THSD4: variants seen among roughly 807,000 people sequenced by gnomAD.
The protein encoded by THSD4 is thrombospondin type 1 domain containing 4, also known as thrombospondin type-1 domain-containing protein 4.
A neutral mutation model predicts 119.0 loss-of-function variants in THSD4; 69 were observed. That is an observed-to-expected ratio of 0.58 (90% CI 0.48 to 0.71). The LOEUF (loss-of-function observed/expected upper bound fraction) is 0.71, where lower values mean the gene tolerates loss of function less well. THSD4 is among the 30% of genes least tolerant of loss of function. The probability of loss-of-function intolerance (pLI) is 0.00; values close to 1 mark genes in which losing one functional copy is unlikely to be tolerated. For missense variants in THSD4, 1,393 were observed against 1,391.1 expected (o/e 1.00, Z -0.02); for synonymous variants, 524 against 540.4 (o/e 0.97, Z 0.42).
chr15:71,523,261 T>G (rs990848504), intron 7 of THSD4, among the ~76,000 whole-genome samples: 2 of 152,174 alleles, frequency 1.3e-5, no homozygotes, highest in East Asian at 3.9e-4. Context: ...CAAGGGAGAC[T>G]CAATCCTGGC....
intron 1 of THSD4, among the ~76,000 whole-genome samples, chr15:71,131,500 A>C (rs2141362119): frequency 6.6e-6 from 1 of 152,224 alleles, no homozygotes; most frequent in South Asian, 2.1e-4. Flanking sequence ...TCAAAACATT[A>C]TGAGCCCTAT....
intron 15 of THSD4, among the ~76,000 whole-genome samples, chr15:71,759,697 G>A (rs1177976791): frequency 6.6e-6 from 1 of 152,222 alleles, no homozygotes; most frequent in Non-Finnish European, 1.5e-5. Flanking sequence ...TCACACACGT[G>A]AAGATAAGCA....
chr15:71,143,821 C>T (rs9744260), intron 2 of THSD4, among the ~76,000 whole-genome samples: 2 of 151,038 alleles, frequency 1.3e-5, no homozygotes, highest in Non-Finnish European at 2.9e-5. Context: ...TCCTCCACCT[C>T]TGCCTCCCAA....
At chr15:71,550,912 G>A (rs1567032442) in intron 7 of THSD4, among the ~76,000 whole-genome samples, 2 of 152,096 alleles carry the variant, frequency 1.3e-5, no homozygotes, top group Non-Finnish European at 1.5e-5. Context: ...CTTTAAAAGA[G>A]CAATTTTATG....
intron 6 of THSD4, among the ~76,000 whole-genome samples, chr15:71,309,774 T>A (rs2045085491): frequency 6.6e-6 from 1 of 152,214 alleles, no homozygotes; most frequent in Non-Finnish European, 1.5e-5. Context: ...GGCACTCTTG[T>A]TGACCGTATA....
intron 7 of THSD4, among the ~76,000 whole-genome samples, chr15:71,613,103 G>A (rs2050259764): frequency 6.6e-6 from 1 of 152,186 alleles, no homozygotes; most frequent in African/African-American, 2.4e-5. Context: ...CCCTAGTCAA[G>A]GGTGTAGTAT....
In THSD4 at chr15:71,749,993, C is replaced by G. The variant is rs561389406; in HGVS notation, c.2415+1399C>G. On this transcript the variant is annotated intron_variant, in intron 14 of 17. Transcript: ENST00000261862. ...GATCTGCCACCTCGGCCTCCCGAAG[C>G]CCTGGAATTGTAGGCATGAGCCACT... 1.2e-3 allele frequency among the ~76,000 whole-genome samples: 189 copies of G among 152,270 alleles called. 1 individual carries two copies. The highest frequency in any genetic ancestry group is 0.01 in the Middle Eastern group (3 of 294).
intron 11 of THSD4, among the ~76,000 whole-genome samples, chr15:71,741,681 A>C (rs1284982376): frequency 9.0e-6 from 1 of 111,460 alleles, no homozygotes. Context: ...CCATGTGTGC[A>C]TGTACACACA....
chr15:71,448,981 A>T (rs1358397476), intron 7 of THSD4, among the ~76,000 whole-genome samples: 2 of 152,220 alleles, frequency 1.3e-5, no homozygotes, highest in Non-Finnish European at 2.9e-5. Flanking sequence ...GAGTACATAC[A>T]AACCCCCTTG....
intron 3 of THSD4, chr15:71,186,776 G>A (rs2043609171): frequency 6.6e-6 from 1 of 152,188 alleles, no homozygotes; most frequent in East Asian, 1.9e-4. Flanking sequence ...TTATTGCAAG[G>A]CATTTCAGGT....
At chr15:71,585,379 T>C (rs982346598) in intron 7 of THSD4, among the ~76,000 whole-genome samples, 1 of 152,232 alleles carries the variant, frequency 6.6e-6, no homozygotes, top group African/African-American at 2.4e-5. Context: ...GTTTGTTCCT[T>C]TCGGCACTCT....
intron 9 of THSD4, chr15:71,730,502 T>C (rs765004113): frequency 1.3e-5 from 2 of 152,830 alleles, no homozygotes; most frequent in Non-Finnish European, 2.9e-5. Flanking sequence ...CGTAGATTCC[T>C]GCTTGCCATC....
At chr15:71,356,673 C>T (rs183989764) in intron 6 of THSD4, among the ~76,000 whole-genome samples, 158 of 152,138 alleles carry the variant, frequency 1.0e-3, no homozygotes, top group African/African-American at 3.4e-3. Context: ...ATTAAGCAAG[C>T]TGGGGCTGAG....
chr15:71,585,082 C>T (rs2049639191), intron 7 of THSD4, among the ~76,000 whole-genome samples: 1 of 152,056 alleles, frequency 6.6e-6, no homozygotes, highest in Non-Finnish European at 1.5e-5. Flanking sequence ...ACTATTTTGT[C>T]TTTTCACTTT....
intron 6 of THSD4, among the ~76,000 whole-genome samples, chr15:71,369,099 T>C (rs1342689748): frequency 6.6e-6 from 1 of 152,192 alleles, no homozygotes; most frequent in Non-Finnish European, 1.5e-5. Context: ...TATTGGTGTA[T>C]AAGAATGCTT....
chr15:71,275,040 T>C (rs1156873132), intron 6 of THSD4, among the ~76,000 whole-genome samples: 2 of 152,162 alleles, frequency 1.3e-5, no homozygotes, highest in Admixed American at 1.3e-4. Context: ...ACTGCCTTGC[T>C]CAGTTGTCAT....
intron 6 of THSD4, among the ~76,000 whole-genome samples, chr15:71,367,649 T>A (rs1315039162): frequency 6.6e-6 from 1 of 152,230 alleles, no homozygotes; most frequent in African/African-American, 2.4e-5. Flanking sequence ...TTCCATGGTG[T>A]GTATGTGCCA....
At chr15:71,350,726 G>A (rs2045733159) in intron 6 of THSD4, among the ~76,000 whole-genome samples, 1 of 152,134 alleles carries the variant, frequency 6.6e-6, no homozygotes, top group South Asian at 2.1e-4. Flanking sequence ...ATGAGGAGGG[G>A]AGGTGAGCTG....
At chr15:71,337,385 A>G (rs930683185) in intron 6 of THSD4, among the ~76,000 whole-genome samples, 2 of 152,214 alleles carry the variant, frequency 1.3e-5, no homozygotes, top group African/African-American at 4.8e-5. Flanking sequence ...AGTGGGAGGA[A>G]ACCTGCCCCT....
Sources: gnomAD v4.1 joint callset for allele counts (sites outside exome capture counted in the v4.1 genomes callset) on GRCh38, gnomAD v4.1.1 for gene constraint, MANE v1.5 for transcripts, NCBI Gene and HGNC (gene_info 2026-07-23, HGNC 2026-07-21) for gene names.